Variants in FXYD6 observed in about 807,000 individuals in gnomAD.
FXYD6 encodes FXYD domain-containing ion transport regulator 6.
In FXYD6, 7 loss-of-function variants were observed where a neutral mutation model predicts 16.7. That is an observed-to-expected ratio of 0.42 (90% CI 0.24 to 0.79). The LOEUF is 0.79. Ranked by LOEUF, FXYD6 falls within the 30% of genes least tolerant of loss-of-function variation. The probability of loss-of-function intolerance (pLI) is 0.28; values close to 1 mark genes in which losing one functional copy is unlikely to be tolerated. For missense variants in FXYD6, 111 were observed against 116.2 expected (o/e 0.95, Z 0.21); for synonymous variants, 49 against 43.0 (o/e 1.14, Z -0.54).
intron 1 of FXYD6, among the ~76,000 whole-genome samples, chr11:117,854,771 CA>C (rs941321537): frequency 4.0e-4 from 61 of 152,200 alleles, no homozygotes; most frequent in Middle Eastern, 3.4e-3. Context: ...TTTTGATAGA[CA>C]GGGGGAAGGA....
At chr11:117,859,777 A>G (rs1283274020) in intron 1 of FXYD6, among the ~76,000 whole-genome samples, 1 of 152,182 alleles carries the variant, frequency 6.6e-6, no homozygotes, top group Non-Finnish European at 1.5e-5. Flanking sequence ...TCTTAGGAAT[A>G]TAAAGATCCC....
chr11:117,843,658 A>G (rs1456206998), intron 1 of FXYD6: 1 of 152,108 alleles, frequency 6.6e-6, no homozygotes, highest in African/African-American at 2.4e-5. Flanking sequence ...TTTACGTCCC[A>G]CCTCAAAAGT....
chr11:117,857,225 A>G (rs568141281), intron 1 of FXYD6, among the ~76,000 whole-genome samples: 45 of 152,144 alleles, frequency 3.0e-4, no homozygotes, highest in Middle Eastern at 3.4e-3. Flanking sequence ...CCAAATGCTC[A>G]CTCTCTCACA....
At chr11:117,841,531 A>G in intron 4 of FXYD6, 1 of 595,126 alleles carries the variant, frequency 1.7e-6, no homozygotes, top group Non-Finnish European at 3.0e-6. Flanking sequence ...TTCATGCCCT[A>G]TAGACACAGC....
Position 117,872,748 on chromosome 11 carries a change from G to A in FXYD6, c.-6+3844C>T, listed in dbSNP as rs1194293614. ...ATCTTTGTAACAAACATGTTCCTGC[G>A]CAGCCTACAAGCTGGCTTCATCCCT... On this transcript the variant is annotated intron_variant, in intron 1 of 7. Transcript: ENST00000526014. The surrounding 1 kb of genome is among the most constrained non-coding windows in gnomAD (Gnocchi z 4.9). 3.3e-5 allele frequency among the ~76,000 whole-genome samples: 5 copies of A among 152,090 alleles called. No individual in the cohort carries two copies. The highest frequency in any genetic ancestry group is 2.1e-4 in the South Asian group (1 of 4,832).
Position 117,865,833 on chromosome 11 carries a change from A to G in FXYD6, c.-6+10759T>C, listed in dbSNP as rs199856925. On this transcript the variant is annotated intron_variant, in intron 1 of 7. Transcript: ENST00000526014. ...TTCCAGCTACCCGGGAGGCTGAGGC[A>G]GGAGAATTGCTTGAACCCGGGTGGT... 3.4e-5 allele frequency among the ~76,000 whole-genome samples: 5 copies of G among 147,256 alleles called. No individual in the cohort carries two copies. In the East Asian group the frequency reaches 9.6e-4, roughly 28 times the overall value.
rs528294489 is a variant in FXYD6 at position 117,870,697 on chromosome 11, C to T, written c.-6+5895G>A. 6.6e-6 allele frequency among the ~76,000 whole-genome samples: 1 copy of T among 152,306 alleles called. No homozygotes were observed. Among genetic ancestry groups the T allele is most frequent in the East Asian group, 1.9e-4 (1 of 5,176 alleles). On this transcript the variant is annotated intron_variant, in intron 1 of 7. Coordinates refer to ENST00000526014, the MANE Select transcript of FXYD6 (RefSeq NM_022003.4). The surrounding 1 kb of genome is among the most constrained non-coding windows in gnomAD (Gnocchi z 4.2). ...CCTGGATACCCAGAAATGTGCCCTGCCTTTAGAGGAGGGGGCTGTTGACCT... is the reference window on the plus strand; with the variant it reads ...CCTGGATACCCAGAAATGTGCCCTGTCTTTAGAGGAGGGGGCTGTTGACCT...
intron 1 of FXYD6, among the ~76,000 whole-genome samples, chr11:117,856,563 C>T (rs1188257372): frequency 6.6e-6 from 1 of 152,104 alleles, no homozygotes; most frequent in Admixed American, 6.5e-5. Flanking sequence ...CGGAATGGGG[C>T]CTTTTATGAG....
chr11:117,869,418 C>G lies in FXYD6; in HGVS notation c.-6+7174G>C, dbSNP rs556444375. On this transcript the variant is annotated intron_variant, in intron 1 of 7. Transcript: ENST00000526014. Reference sequence around the variant, plus strand: ...AGGCGCCTTCAGTAGCCCAACGGCTCGAATGCTGCCCCTCCAACCCTCATT... The same window carrying G: ...AGGCGCCTTCAGTAGCCCAACGGCTGGAATGCTGCCCCTCCAACCCTCATT... Among the ~76,000 whole-genome samples, 29 of 152,304 alleles carry G rather than the reference C, an allele frequency of 1.9e-4. No homozygotes were observed. The East Asian group carries it at 5.6e-3, about 29-fold the overall frequency.
chr11:117,857,213 G>T (rs1273419524), intron 1 of FXYD6, among the ~76,000 whole-genome samples: 3 of 152,144 alleles, frequency 2.0e-5, no homozygotes, highest in African/African-American at 7.2e-5. Context: ...GAGGCATGGG[G>T]CCCAAATGCT....
At chr11:117,863,679 C>G (rs2056955973) in intron 1 of FXYD6, among the ~76,000 whole-genome samples, 1 of 152,154 alleles carries the variant, frequency 6.6e-6, no homozygotes, top group Non-Finnish European at 1.5e-5. Flanking sequence ...GTAAAATGAT[C>G]TCTGTTCACA....
intron 6 of FXYD6, 43 bp downstream of exon 6, chr11:117,840,276 T>G: frequency 6.2e-7 from 1 of 1,613,336 alleles, no homozygotes; most frequent in Admixed American, 1.7e-5. Context: ...GGGGTCTCTC[T>G]GTTCCCTCTT....
Position 117,847,481 on chromosome 11 carries a change from A to T in FXYD6, c.-5-4700T>A, listed in dbSNP as rs1411422140. On this transcript the variant is annotated intron_variant, in intron 1 of 7. Coordinates refer to ENST00000526014, the MANE Select transcript of FXYD6 (RefSeq NM_022003.4). ...TGCACCCATTAACTCGTCATTTAAC[A>T]TTAGGTATATCTCCTAATGCTATCC... Among the ~76,000 whole-genome samples, 5 of 151,802 alleles carry T rather than the reference A, an allele frequency of 3.3e-5. No individual in the cohort carries two copies. The East Asian group carries it at 9.7e-4, about 29-fold the overall frequency.
In FXYD6 at chr11:117,837,841, A is replaced by C; in HGVS notation, c.*458T>G. The stretch of plus-strand genomic sequence containing the variant: ...CCGTGCTCTTACCCTACGCATCCCT[A>C]AATCAGGGGAGGGGGCTGGTCTCGG... On this transcript the variant is annotated 3_prime_UTR_variant, in exon 8 of 8. Transcript: ENST00000526014. This position sits in a 1 kb window ranked among gnomAD's most constrained non-coding sequence, Gnocchi z 4.4. 1 of 274,536 alleles carries C rather than the reference A, an allele frequency of 3.6e-6. No homozygotes were observed. The highest frequency in any genetic ancestry group is 7.1e-6 in the Non-Finnish European group (1 of 140,864). 17.0% of individuals were successfully genotyped at this position (274,536 alleles called of 1,614,324 possible).
At chr11:117,868,625 G>A (rs182745541) in intron 1 of FXYD6, among the ~76,000 whole-genome samples, 31 of 152,110 alleles carry the variant, frequency 2.0e-4, no homozygotes, top group Middle Eastern at 3.4e-3. Flanking sequence ...AGGTACAAAC[G>A]AACGACATTT....
intron 1 of FXYD6, among the ~76,000 whole-genome samples, chr11:117,854,340 C>T (rs921161516): frequency 4.6e-5 from 7 of 152,194 alleles, no homozygotes; most frequent in Non-Finnish European, 1.0e-4. Context: ...GCTCTTCCTG[C>T]CCCCTGGGAA....
chr11:117,875,505 A>C (rs2134223747), intron 1 of FXYD6, among the ~76,000 whole-genome samples: 1 of 152,266 alleles, frequency 6.6e-6, no homozygotes, highest in Middle Eastern at 3.4e-3. Flanking sequence ...GGCAACGACC[A>C]GGCAAGTCAC....
intron 1 of FXYD6, among the ~76,000 whole-genome samples, chr11:117,871,167 C>T (rs1239466198): frequency 2.0e-5 from 3 of 152,140 alleles, no homozygotes; most frequent in Non-Finnish European, 4.4e-5. Flanking sequence ...TCTCTCAGAC[C>T]TCAGATGGGG....
At chr11:117,855,808 A>C (rs545189113) in intron 1 of FXYD6, among the ~76,000 whole-genome samples, 1 of 152,292 alleles carries the variant, frequency 6.6e-6, no homozygotes, top group Admixed American at 6.5e-5. Flanking sequence ...CTGGCTCGCC[A>C]GCACAGGGGG....
Sources: allele counts gnomAD v4.1 joint callset (sites outside exome capture counted in the v4.1 genomes callset), GRCh38; gene constraint gnomAD v4.1.1; non-coding constraint Gnocchi (gnomAD v3.1); transcripts MANE v1.5; gene names NCBI Gene and HGNC (gene_info 2026-07-23, HGNC 2026-07-21).